Variants in DMD observed in about 807,000 individuals in gnomAD.
DMD encodes the protein mutant dystrophin.
DMD carries 63 observed loss-of-function variants against 330.1 expected under a neutral mutation model. The observed-to-expected ratio is 0.19, with a 90% CI of 0.16 to 0.24. DMD has a LOEUF of 0.24. DMD is among the 10% of genes least tolerant of loss of function. The pLI is 1.00. For missense variants in DMD, 3,344 were observed against 2,684.1 expected (o/e 1.25, Z -5.43); for synonymous variants, 1,223 against 959.8 (o/e 1.27, Z -5.07).
At chrX:33,046,446 G>A (rs2094383328) in intron 1 of DMD, among the ~76,000 whole-genome samples, 1 of 111,614 alleles carries the variant, frequency 9.0e-6, no homozygotes, top group African/African-American at 3.3e-5. Context: ...AATAATTTAT[G>A]ATTTTGACTA....
chrX:31,587,109 TAAC>T (rs1455536724), intron 55 of DMD, among the ~76,000 whole-genome samples: 1 of 111,745 alleles, frequency 8.9e-6, no homozygotes, highest in African/African-American at 3.2e-5. Flanking sequence ...CACAGAATAG[TAAC>T]AACAACGTAG....
At chrX:31,284,876 A>C (rs1366425898) in intron 62 of DMD, among the ~76,000 whole-genome samples, 3 of 107,868 alleles carry the variant, frequency 2.8e-5, no homozygotes, top group African/African-American at 1.0e-4. Context: ...ACACCCACAC[A>C]CGCAAAGTAT....
intron 43 of DMD, among the ~76,000 whole-genome samples, chrX:32,238,076 A>G (rs761451171): frequency 8.9e-6 from 1 of 111,949 alleles, no homozygotes; most frequent in Non-Finnish European, 1.9e-5. Context: ...GGGAGTACAT[A>G]AGGCTATCTC....
At chrX:32,153,088 C>T (rs1460885640) in intron 44 of DMD, among the ~76,000 whole-genome samples, 1 of 112,144 alleles carries the variant, frequency 8.9e-6, no homozygotes, top group Non-Finnish European at 1.9e-5. Flanking sequence ...GAAGAAACAA[C>T]ACATTCCTTA....
intron 1 of DMD, among the ~76,000 whole-genome samples, chrX:33,319,924 T>A (rs1210539458): frequency 6.3e-5 from 7 of 111,986 alleles, no homozygotes; most frequent in African/African-American, 1.9e-4. Flanking sequence ...AAAATATATA[T>A]ATTTCCACAG....
intron 44 of DMD, among the ~76,000 whole-genome samples, chrX:32,087,308 G>A (rs2082262810): frequency 1.8e-5 from 2 of 111,444 alleles, no homozygotes; most frequent in South Asian, 7.5e-4. Flanking sequence ...TTATTTCAGG[G>A]TCTTTTCTCA....
At chrX:31,470,368 C>T (rs2067205309) in intron 59 of DMD, among the ~76,000 whole-genome samples, 1 of 111,568 alleles carries the variant, frequency 9.0e-6, no homozygotes, top group South Asian at 3.8e-4. Flanking sequence ...GTGTGGACGT[C>T]CTTTTTGTTG....
intron 5 of DMD, 57 bp downstream of exon 5, chrX:32,823,238 A>T: frequency 9.9e-7 from 1 of 1,014,592 alleles, no homozygotes; most frequent in Non-Finnish European, 1.4e-6. Flanking sequence ...TCAAGGGTAA[A>T]AATTAAAAAA....
chrX:31,415,272 ACTTCT>A (rs2061816330), intron 60 of DMD, among the ~76,000 whole-genome samples: 1 of 112,555 alleles, frequency 8.9e-6, no homozygotes, highest in African/African-American at 3.2e-5. Flanking sequence ...CTAACATGAG[ACTTCT>A]CTTATTTCCT....
At chrX:31,772,863 A>C (rs1172055035) in intron 51 of DMD, among the ~76,000 whole-genome samples, 1 of 111,705 alleles carries the variant, frequency 9.0e-6, no homozygotes, top group African/African-American at 3.2e-5. Context: ...ATCCATAACT[A>C]TATTGTGAAT....
intron 9 of DMD, among the ~76,000 whole-genome samples, chrX:32,694,806 G>A (rs1038301415): frequency 7.2e-5 from 8 of 110,858 alleles, no homozygotes; most frequent in East Asian, 2.9e-4. Flanking sequence ...ACAGGTGTGC[G>A]CCACCACACC....
At chrX:32,077,908 C>A (rs945224574) in intron 44 of DMD, among the ~76,000 whole-genome samples, 8 of 111,155 alleles carry the variant, frequency 7.2e-5, no homozygotes, top group Non-Finnish European at 1.9e-5. Flanking sequence ...GATTCCCCTC[C>A]TAATTCTTGG....
intron 53 of DMD, among the ~76,000 whole-genome samples, chrX:31,671,207 T>C (rs981987210): frequency 8.9e-6 from 1 of 112,420 alleles, no homozygotes; most frequent in African/African-American, 3.2e-5. Flanking sequence ...CCACCACACC[T>C]GGCCAATACC....
At chrX:33,014,998 C>T (rs1192268131) in intron 2 of DMD, among the ~76,000 whole-genome samples, 1 of 111,000 alleles carries the variant, frequency 9.0e-6, no homozygotes, top group South Asian at 3.8e-4. Flanking sequence ...TGTGAAGAAG[C>T]CTGCTTTATC....
intron 44 of DMD, among the ~76,000 whole-genome samples, chrX:32,174,452 C>G (rs1033582450): frequency 3.6e-5 from 4 of 112,205 alleles, no homozygotes; most frequent in African/African-American, 6.5e-5. Context: ...CGTAACTAGC[C>G]CATTGCCATT....
chrX:32,711,319 G>GA (rs1360620733), intron 7 of DMD, among the ~76,000 whole-genome samples: 3 of 110,854 alleles, frequency 2.7e-5, no homozygotes, highest in Non-Finnish European at 5.7e-5. Flanking sequence ...TGTCTTTCCT[G>GA]ATGACCAGAA....
intron 44 of DMD, among the ~76,000 whole-genome samples, chrX:32,186,129 T>C (rs1322220123): frequency 9.0e-6 from 1 of 111,304 alleles, no homozygotes; most frequent in African/African-American, 3.3e-5. Context: ...AAGTGAATAA[T>C]TTTTTAATTA....
intron 2 of DMD, among the ~76,000 whole-genome samples, chrX:32,971,730 T>C (rs757739783): frequency 3.6e-5 from 4 of 110,980 alleles, no homozygotes; most frequent in African/African-American, 1.3e-4. Context: ...CTATGTTCTA[T>C]AGTATTAAAA....
At chrX:31,168,777 G>GA (rs1488893100) in intron 74 of DMD, among the ~76,000 whole-genome samples, 1 of 112,039 alleles carries the variant, frequency 8.9e-6, no homozygotes, top group East Asian at 2.8e-4. Flanking sequence ...ATACAGAACT[G>GA]AAAGTCCAAT....
Sources: gnomAD v4.1 joint callset for allele counts (sites outside exome capture counted in the v4.1 genomes callset) on GRCh38, gnomAD v4.1.1 for gene constraint, MANE v1.5 for transcripts, NCBI Gene and HGNC (gene_info 2026-07-23, HGNC 2026-07-21) for gene names.